The following RABGEF1 variants were observed in gnomAD, a reference collection of about 807,000 sequenced individuals.
RABGEF1 encodes rab5 GDP/GTP exchange factor.
In RABGEF1, 26 loss-of-function variants were observed where a neutral mutation model predicts 57.3. The observed-to-expected ratio is 0.45, with a 90% CI of 0.33 to 0.63. The LOEUF (loss-of-function observed/expected upper bound fraction) is 0.63, where lower values mean the gene tolerates loss of function less well. RABGEF1 is among the 20% of genes least tolerant of loss of function. RABGEF1 has a pLI of 0.02. For synonymous variants in RABGEF1, 185 were observed against 210.7 expected (o/e 0.88, Z 1.06); for missense variants, 464 against 607.6 (o/e 0.76, Z 2.48).
At chr7:66,666,527 CAG>C in the RABGEF1 span, among the ~76,000 whole-genome samples, 3 of 152,164 alleles carry the variant, frequency 2.0e-5, no homozygotes, top group Non-Finnish European at 4.4e-5. Context: ...GCTCCCAGCT[CAG>C]GGTATTGGTG....
chr7:66,701,059 A>G (rs1487040720), intron 1 of RABGEF1, among the ~76,000 whole-genome samples: 1 of 150,984 alleles, frequency 6.6e-6, no homozygotes, highest in Non-Finnish European at 1.5e-5. Flanking sequence ...AAGAGGCTAG[A>G]TAGAGGCCTG....
chr7:66,720,625 C>T (rs910498000), intron 2 of RABGEF1, among the ~76,000 whole-genome samples: 16 of 151,982 alleles, frequency 1.1e-4, no homozygotes, highest in African/African-American at 3.4e-4. Context: ...TTGTTTCTCC[C>T]TAAGATTAGA....
At chr7:66,688,863 C>T (rs1031765790) in intron 1 of RABGEF1, among the ~76,000 whole-genome samples, 1 of 151,998 alleles carries the variant, frequency 6.6e-6, no homozygotes, top group South Asian at 2.1e-4. Flanking sequence ...GAGGCCGAAG[C>T]GGGAGGATCA....
At chr7:66,771,382 G>T (rs747414688) in intron 1 of RABGEF1, among the ~76,000 whole-genome samples, 2 of 152,088 alleles carry the variant, frequency 1.3e-5, no homozygotes, top group South Asian at 4.1e-4. Flanking sequence ...TTTGTTATCC[G>T]CCCTCCTCAG....
At chr7:66,664,042 C>A in the RABGEF1 span, among the ~76,000 whole-genome samples, 2 of 142,332 alleles carry the variant, frequency 1.4e-5, no homozygotes, top group Non-Finnish European at 1.5e-5. Context: ...CTACTGCACT[C>A]GAGCCTGGGT....
chr7:66,723,596 T>C (rs557878013), intron 2 of RABGEF1, among the ~76,000 whole-genome samples: 14 of 152,358 alleles, frequency 9.2e-5, no homozygotes, highest in Non-Finnish European at 1.6e-4. Context: ...TTGTTTTTTT[T>C]TGAGACGGAG....
the RABGEF1 span, among the ~76,000 whole-genome samples, chr7:66,655,704 TG>T: frequency 7.8e-3 from 1,182 of 152,360 alleles, 9 homozygotes; most frequent in Non-Finnish European, 0.012. Context: ...TTAAAATTGT[TG>T]TACCAAGAAA....
chr7:66,764,279 A>G (rs989839172), intron 1 of RABGEF1, among the ~76,000 whole-genome samples: 1 of 152,228 alleles, frequency 6.6e-6, no homozygotes, highest in African/African-American at 2.4e-5. Flanking sequence ...TTCTGGAGAA[A>G]TGTCCATTCA....
chr7:66,678,071 G>A (rs1453389593), upstream of RABGEF1, among the ~76,000 whole-genome samples: 3 of 151,278 alleles, frequency 2.0e-5, no homozygotes, highest in South Asian at 2.1e-4. Flanking sequence ...AAAAAAAAAA[G>A]AAACCTACAA....
rs1355561825 is a variant in RABGEF1 at position 66,775,269 on chromosome 7, C to T, written c.222C>T (p.Ser74=). 10 of 1,613,726 alleles carry T rather than the reference C, an allele frequency of 6.2e-6. No homozygotes were observed. The highest frequency in any genetic ancestry group is 5.0e-5 in the Admixed American group (3 of 59,966). The stretch of plus-strand genomic sequence containing the variant: ...AAGAGGCCTTTGCCAGCAGTCAGAG[C>T]AGCCAAGGGGCCCAATCCCTCACAT... The part of the protein sequence containing the change: ...EEEEAFASSQ[S]SQGAQSLTFS... Residue 74 remains serine (S), a synonymous_variant, in exon 3 of 9, where the codon AGC becomes AGT. Coordinates refer to ENST00000284957, the MANE Select transcript of RABGEF1 (RefSeq NM_014504.3).
intron 2 of RABGEF1, among the ~76,000 whole-genome samples, chr7:66,726,784 A>T (rs1242543327): frequency 6.6e-6 from 1 of 152,124 alleles, no homozygotes; most frequent in Non-Finnish European, 1.5e-5. Context: ...TGGGCTGATC[A>T]CTTAAGGTCA....
chr7:66,664,760 C>T, the RABGEF1 span, among the ~76,000 whole-genome samples: 47 of 152,214 alleles, frequency 3.1e-4, no homozygotes, highest in Non-Finnish European at 5.4e-4. Flanking sequence ...GGTGCGCCGG[C>T]GGCTGCCGCT....
At chr7:66,737,442 TA>T (rs112574415), upstream of RABGEF1, among the ~76,000 whole-genome samples, 10,669 of 149,432 alleles carry the variant, frequency 0.071, 1,191 homozygotes, top group African/African-American at 0.24. Flanking sequence ...CGAGACTGGG[TA>T]GGGGGGGGCA....
the RABGEF1 span, among the ~76,000 whole-genome samples, chr7:66,658,592 T>C: frequency 1.3e-5 from 2 of 149,986 alleles, no homozygotes; most frequent in Non-Finnish European, 3.0e-5. Context: ...AGTAAGAAGA[T>C]TAAATTACCA....
At chr7:66,753,876 T>G (rs1297493623) in intron 1 of RABGEF1, among the ~76,000 whole-genome samples, 1 of 151,502 alleles carries the variant, frequency 6.6e-6, no homozygotes, top group African/African-American at 2.4e-5. Context: ...CTGGCTAATT[T>G]TTGTATTTTT....
chr7:66,694,456 G>A (rs539087572), intron 1 of RABGEF1, among the ~76,000 whole-genome samples: 8 of 152,372 alleles, frequency 5.3e-5, no homozygotes, highest in African/African-American at 1.9e-4. Flanking sequence ...CTGGAAAGGT[G>A]GGAAAGGACC....
At chr7:66,661,318 TGAG>T in the RABGEF1 span, among the ~76,000 whole-genome samples, 2 of 54,286 alleles carry the variant, frequency 3.7e-5, no homozygotes, top group Non-Finnish European at 7.3e-5. Flanking sequence ...AAAAAAAAAA[TGAG>T]GGCGTTACTG....
At chr7:66,711,239 T>G (rs1794735098) in intron 1 of RABGEF1, among the ~76,000 whole-genome samples, 1 of 152,230 alleles carries the variant, frequency 6.6e-6, no homozygotes, top group African/African-American at 2.4e-5. Flanking sequence ...AACATTTTAA[T>G]GAAATCCAAT....
intron 3 of RABGEF1, among the ~76,000 whole-genome samples, chr7:66,776,560 G>A (rs1462597101): frequency 6.6e-6 from 1 of 152,154 alleles, no homozygotes; most frequent in Non-Finnish European, 1.5e-5. Context: ...AGGCACAGTG[G>A]CATGTGCCTG....
Sources: gnomAD v4.1 joint callset for allele counts (sites outside exome capture counted in the v4.1 genomes callset) on GRCh38, gnomAD v4.1.1 for gene constraint, MANE v1.5 for transcripts, NCBI Gene and HGNC (gene_info 2026-07-23, HGNC 2026-07-21) for gene names.